The following SMG6 variants were observed in gnomAD, a reference collection of about 807,000 sequenced individuals.
SMG6 encodes the protein telomerase-binding protein EST1A.
In SMG6, 66 loss-of-function variants were observed where a neutral mutation model predicts 142.2. The observed-to-expected ratio is 0.46, with a 90% confidence interval of 0.38 to 0.57. SMG6 has a LOEUF of 0.57. SMG6 is among the 20% of genes least tolerant of loss of function. The pLI, the probability that SMG6 is intolerant of heterozygous loss-of-function variation, is 0.00. For missense variants in SMG6, 1,793 were observed against 1,832.0 expected, an observed-to-expected ratio of 0.98 and a Z score of 0.39; for synonymous variants, 779 against 702.4, an observed-to-expected ratio of 1.11 and a Z score of -1.72.
intron 8 of SMG6, among the ~76,000 whole-genome samples, chr17:2,258,035 A>ATATT (rs2074229068): frequency 1.7e-5 from 1 of 58,144 alleles, no homozygotes; most frequent in Non-Finnish European, 3.8e-5. Flanking sequence ...AAAAAAAAAA[A>ATATT]TATACACACA....
chr17:2,250,957 A>C (rs2074033543), intron 8 of SMG6, among the ~76,000 whole-genome samples: 1 of 152,078 alleles, frequency 6.6e-6, no homozygotes, highest in African/African-American at 2.4e-5. Flanking sequence ...AACCAACAAG[A>C]TAGGGTCTCT....
At chr17:2,212,191 C>T (rs1387400068) in intron 10 of SMG6, among the ~76,000 whole-genome samples, 1 of 152,152 alleles carries the variant, frequency 6.6e-6, no homozygotes, top group Non-Finnish European at 1.5e-5. Context: ...CTTTCAAATG[C>T]ATTTTCCAAT....
intron 8 of SMG6, chr17:2,266,120 T>C: frequency 1.2e-5 from 12 of 985,428 alleles, no homozygotes; most frequent in Non-Finnish European, 1.4e-5. Flanking sequence ...CTCAAAGTCT[T>C]TTACAATTAT....
At chr17:2,087,213 A>G (rs2068587976) in intron 13 of SMG6, 5 of 1,290,360 alleles carry the variant, frequency 3.9e-6, no homozygotes, top group Non-Finnish European at 5.1e-6. Flanking sequence ...CTGTGCACAC[A>G]GTAGGCTCAC....
At chr17:2,254,801 C>A (rs1597719138) in intron 8 of SMG6, among the ~76,000 whole-genome samples, 1 of 152,114 alleles carries the variant, frequency 6.6e-6, no homozygotes, top group African/African-American at 2.4e-5. Flanking sequence ...ATAATCCTTC[C>A]TCTATGGGTA....
At chr17:2,091,058 T>G (rs1307724664) in intron 13 of SMG6, among the ~76,000 whole-genome samples, 3 of 152,188 alleles carry the variant, frequency 2.0e-5, no homozygotes, top group Non-Finnish European at 4.4e-5. Context: ...GAAATTTAAC[T>G]CAGACTAATG....
At chr17:2,181,229 AAAC>A (rs1465026476) in intron 12 of SMG6, among the ~76,000 whole-genome samples, 4 of 152,230 alleles carry the variant, frequency 2.6e-5, no homozygotes, top group Non-Finnish European at 5.9e-5. Context: ...AGAATATGGG[AAAC>A]AAAAGAAGGA....
rs2072131063 is a variant in SMG6, at chr17:2,190,662, G to A, written c.2870-2147C>T. 2.6e-5 allele frequency among the ~76,000 whole-genome samples: 4 copies of A among 152,196 alleles called. No homozygotes were observed. The South Asian group carries it at 8.3e-4, about 31-fold the overall frequency. ...CTCCTGCAATAAGGTCTGGAGACCA[G>A]GCAAGGTAGCAACAGCTGGAGTCTC... On this transcript the variant is annotated intron_variant, in intron 10 of 18. Coordinates refer to ENST00000263073, the MANE Select transcript of SMG6 (RefSeq NM_017575.5).
At chr17:2,090,314 G>A (rs1367185203) in intron 13 of SMG6, among the ~76,000 whole-genome samples, 1 of 152,064 alleles carries the variant, frequency 6.6e-6, no homozygotes, top group African/African-American at 2.4e-5. Flanking sequence ...GGGTTGGGGA[G>A]AGAAAACGAG....
intron 8 of SMG6, among the ~76,000 whole-genome samples, chr17:2,253,119 T>TTTTATTTTATTTA (rs1555565844): frequency 2.3e-4 from 30 of 130,652 alleles, no homozygotes; most frequent in Admixed American, 9.4e-4. Flanking sequence ...AAATATTTTA[T>TTTTATTTTATTTA]TTTATTTATT....
At chr17:2,148,474 C>T (rs2070734310) in intron 13 of SMG6, among the ~76,000 whole-genome samples, 2 of 152,174 alleles carry the variant, frequency 1.3e-5, no homozygotes, top group Admixed American at 6.5e-5. Flanking sequence ...ACGGATAAAA[C>T]GTGAAATCAT....
chr17:2,282,927 T>C (rs929360315), intron 7 of SMG6, 68 bp from the exon 8 acceptor site: 8 of 1,508,754 alleles, frequency 5.3e-6, no homozygotes, highest in African/African-American at 1.4e-5. Context: ...TCCCAGCACT[T>C]AGAGATGCGG....
chr17:2,231,684 A>G (rs931283487), intron 10 of SMG6, among the ~76,000 whole-genome samples: 1 of 151,536 alleles, frequency 6.6e-6, no homozygotes, highest in African/African-American at 2.4e-5. Flanking sequence ...GCGACAGAGC[A>G]AGATTCTGTC....
intron 10 of SMG6, among the ~76,000 whole-genome samples, chr17:2,231,768 C>T (rs2073503386): frequency 1.4e-5 from 2 of 144,928 alleles, no homozygotes; most frequent in East Asian, 4.2e-4. Context: ...CTACCTTAAT[C>T]CCAGCTCCCA....
chr17:2,282,796 C>G lies in SMG6; in HGVS notation c.2512G>C (p.Gly838Arg), dbSNP rs1238246062. ...ACATGCCGGAAAGTAGACTTCTTTC[C>G]TTTCCGCCACTGGTCAGGGCTCAGG... ...FDLSPDQWRK[G>R]KKSTFRHVGD... The change falls in exon 8 of 19, where the codon GGA becomes CGA. Residue 838 changes from glycine to arginine, a missense_variant. Physicochemically the swap from Gly to Arg is moderately radical, Grantham distance 125. Transcript: ENST00000263073. The G allele has an allele frequency of 6.2e-7, 1 of 1,614,194 alleles. No individual in the cohort carries two copies. Among genetic ancestry groups the G allele is most frequent in the Admixed American group, 1.7e-5 (1 of 60,018 alleles).
At chr17:2,228,545 T>C (rs1299571511) in intron 10 of SMG6, among the ~76,000 whole-genome samples, 1 of 151,862 alleles carries the variant, frequency 6.6e-6, no homozygotes, top group African/African-American at 2.4e-5. Flanking sequence ...GCATTTTTAA[T>C]GGAGGCAAGG....
At chr17:2,166,049 T>C (rs951061153) in intron 13 of SMG6, among the ~76,000 whole-genome samples, 6 of 152,036 alleles carry the variant, frequency 3.9e-5, no homozygotes. Flanking sequence ...CCGTCTCTAC[T>C]AAAAATACAA....
rs151078665 is a variant in SMG6, at chr17:2,300,233, G to T, written c.520C>A (p.Gln174Lys). 1.1e-3 allele frequency: 1,850 copies of T among 1,614,088 alleles called. 5 individuals carry two copies. The highest frequency in any genetic ancestry group is 2.9e-3 in the Admixed American group (174 of 60,010). The change falls in exon 2 of 19, where the codon CAA becomes AAA. Residue 174 changes from glutamine to lysine, a missense_variant. Around this residue, in one of 3 missense-constraint regions of SMG6, gnomAD observed 1,597 missense variants for 1,584.6 expected, o/e 1.01. Transcript: ENST00000263073. ...EEEEVLNQVE[Q>K]LRVEEDECRG... ...CACTCATCTTCCTCTACTCTCAGTT[G>T]TTCTACCTGGTTGAGGACTTCTTCC...
Position 2,130,284 on chromosome 17 carries a change from AG to A in SMG6, c.3357+42373del, listed in dbSNP as rs1276927322. ...TCCGTCTCAAAAAAAAAAAAAAAAAAGAAACAGCATTTATATTCATACCATT... is the reference window on the plus strand; with the variant it reads ...TCCGTCTCAAAAAAAAAAAAAAAAAAAAACAGCATTTATATTCATACCATT... On this transcript the variant is annotated intron_variant, in intron 13 of 18. Transcript: ENST00000263073. Among the ~76,000 whole-genome samples the A allele has an allele frequency of 3.3e-4, 43 of 128,766 alleles. 3 individuals carry two copies. The highest frequency in any genetic ancestry group is 8.6e-4 in the African/African-American group (33 of 38,384). The allele number at this position is 128,766 out of a possible 152,430, so 84.5% of individuals were successfully genotyped here. A position where few individuals can be genotyped will look rare whatever the true frequency, so the allele number is the denominator to read the frequency against.
Sources: gnomAD v4.1 joint callset for allele counts (sites outside exome capture counted in the v4.1 genomes callset) on GRCh38, gnomAD v4.1.1 for gene constraint, gnomAD v4.1.1 regional missense constraint, MANE v1.5 for transcripts, NCBI Gene and HGNC (gene_info 2026-07-23, HGNC 2026-07-21) for gene names.